Variants in FMN2 observed in about 807,000 individuals in gnomAD.
FMN2 encodes the protein formin 2.
A neutral mutation model predicts 142.3 loss-of-function variants in FMN2; 51 were observed. The observed-to-expected ratio is 0.36, with a 90% CI of 0.29 to 0.45. FMN2 has a LOEUF of 0.45. Among genes scored for constraint, FMN2 ranks in the 20% least tolerant of loss-of-function variants. FMN2 has a pLI of 1.00. For missense variants in FMN2, 1,936 were observed against 2,122.8 expected (o/e 0.91, Z 1.73); for synonymous variants, 882 against 869.8 (o/e 1.01, Z -0.25).
At chr1:240,341,843 C>CT (rs1671755293) in intron 13 of FMN2, among the ~76,000 whole-genome samples, 3 of 152,156 alleles carry the variant, frequency 2.0e-5, no homozygotes, top group Admixed American at 1.3e-4. Context: ...AATGACTTGG[C>CT]TGGGGTCTGG....
At chr1:240,351,311 GA>G (rs1164564153) in intron 13 of FMN2, among the ~76,000 whole-genome samples, 1 of 152,088 alleles carries the variant, frequency 6.6e-6, no homozygotes, top group Non-Finnish European at 1.5e-5. Flanking sequence ...GCTTAGTAAG[GA>G]AAAAGCTGCC....
intron 8 of FMN2, among the ~76,000 whole-genome samples, chr1:240,327,717 T>G (rs1671218440): frequency 1.3e-5 from 2 of 152,296 alleles, no homozygotes; most frequent in South Asian, 4.1e-4. Context: ...TCTCCTACCC[T>G]ATATTAATAT....
At chr1:240,154,838 T>TTCCTTCCC (rs1663950149) in intron 2 of FMN2, 1 of 99,058 alleles carries the variant, frequency 1.0e-5, no homozygotes, top group Non-Finnish European at 2.4e-5. Flanking sequence ...CCTTCCTTCC[T>TTCCTTCCC]TCCTTCCCTC....
chr1:240,136,856 A>G (rs1202565064), intron 2 of FMN2, among the ~76,000 whole-genome samples: 1 of 152,060 alleles, frequency 6.6e-6, no homozygotes, highest in Non-Finnish European at 1.5e-5. Flanking sequence ...GCGGAGCACA[A>G]GGTCAGGAGT....
chr1:240,322,382 A>G (rs76574746), intron 8 of FMN2, among the ~76,000 whole-genome samples: 121 of 152,198 alleles, frequency 8.0e-4, no homozygotes, highest in African/African-American at 2.8e-3. Context: ...TTATGATTCT[A>G]TGATATTATA....
chr1:240,360,150 C>T (rs1889868), intron 14 of FMN2, among the ~76,000 whole-genome samples: 2,089 of 152,262 alleles, frequency 0.014, 51 homozygotes, highest in African/African-American at 0.048. Context: ...ACTAGATTTC[C>T]CTTGCAAATT....
intron 1 of FMN2, among the ~76,000 whole-genome samples, chr1:240,095,427 G>A (rs1661164033): frequency 6.7e-6 from 1 of 149,946 alleles, no homozygotes; most frequent in Non-Finnish European, 1.5e-5. Flanking sequence ...CAGCCACATT[G>A]TGCTAGGCAG....
intron 15 of FMN2, among the ~76,000 whole-genome samples, chr1:240,435,500 A>T (rs1675335497): frequency 6.6e-6 from 1 of 151,718 alleles, no homozygotes; most frequent in South Asian, 2.1e-4. Context: ...ATTTATATTT[A>T]TTTAATATGC....
chr1:240,364,128 C>T (rs1179541023), intron 14 of FMN2, among the ~76,000 whole-genome samples: 1 of 152,088 alleles, frequency 6.6e-6, no homozygotes, highest in Non-Finnish European at 1.5e-5. Context: ...CCATTATTAT[C>T]CTCATTTTAC....
intron 6 of FMN2, among the ~76,000 whole-genome samples, chr1:240,241,417 G>A (rs138852238): frequency 1.1e-3 from 165 of 152,250 alleles, no homozygotes; most frequent in African/African-American, 3.8e-3. Flanking sequence ...TTCCTGTGCT[G>A]TATTTAGTGT....
chr1:240,405,791 G>A (rs1449232043), intron 15 of FMN2, among the ~76,000 whole-genome samples: 2 of 152,168 alleles, frequency 1.3e-5, no homozygotes, highest in Non-Finnish European at 2.9e-5. Flanking sequence ...TTTCTAAGGA[G>A]AATGAAAGCA....
intron 1 of FMN2, among the ~76,000 whole-genome samples, chr1:240,097,864 G>C (rs1019902444): frequency 6.6e-6 from 1 of 151,800 alleles, no homozygotes; most frequent in African/African-American, 2.4e-5. Context: ...CTCATTTTTC[G>C]AATGAAAAAA....
chr1:240,436,184 C>T (rs1317104055), intron 15 of FMN2, among the ~76,000 whole-genome samples: 3 of 152,184 alleles, frequency 2.0e-5, no homozygotes, highest in Non-Finnish European at 4.4e-5. Context: ...CAGCCAGATC[C>T]TCACATAGCG....
intron 15 of FMN2, among the ~76,000 whole-genome samples, chr1:240,408,559 C>A (rs998413464): frequency 1.3e-5 from 2 of 152,000 alleles, no homozygotes; most frequent in African/African-American, 4.8e-5. Context: ...GCAAGTTAGA[C>A]TTTACCATTT....
intron 4 of FMN2, among the ~76,000 whole-genome samples, chr1:240,196,758 C>T (rs1340829940): frequency 2.6e-5 from 4 of 152,110 alleles, no homozygotes; most frequent in Non-Finnish European, 5.9e-5. Flanking sequence ...GGCGAACCGC[C>T]GGCCTCGACC....
chr1:240,139,670 A>C (rs1008381864), intron 2 of FMN2, among the ~76,000 whole-genome samples: 1 of 152,232 alleles, frequency 6.6e-6, no homozygotes, highest in African/African-American at 2.4e-5. Context: ...ATAATACCCT[A>C]GTAGAGAGGA....
At chr1:240,409,846 C>T (rs1231052873) in intron 15 of FMN2, among the ~76,000 whole-genome samples, 1 of 152,130 alleles carries the variant, frequency 6.6e-6, no homozygotes, top group Non-Finnish European at 1.5e-5. Flanking sequence ...CAGACAATGG[C>T]ATTTTAAAAA....
intron 7 of FMN2, among the ~76,000 whole-genome samples, chr1:240,267,955 T>C (rs1668873929): frequency 6.6e-6 from 1 of 151,978 alleles, no homozygotes; most frequent in African/African-American, 2.4e-5. Context: ...TCCAAATCAT[T>C]ATGAGATACC....
intron 2 of FMN2, among the ~76,000 whole-genome samples, chr1:240,128,869 G>A (rs572128532): frequency 1.3e-5 from 2 of 152,124 alleles, no homozygotes; most frequent in Admixed American, 6.6e-5. Flanking sequence ...ATGTGCATTT[G>A]AATTCATTTT....
Sources: allele counts gnomAD v4.1 joint callset (sites outside exome capture counted in the v4.1 genomes callset), GRCh38; gene constraint gnomAD v4.1.1; transcripts MANE v1.5; gene names NCBI Gene and HGNC (gene_info 2026-07-23, HGNC 2026-07-21).